The following AGTPBP1 variants were observed in gnomAD, a reference collection of about 807,000 sequenced individuals.
AGTPBP1 encodes ATP/GTP binding carboxypeptidase 1, also known as cytosolic carboxypeptidase 1.
A neutral mutation model predicts 143.9 loss-of-function variants in AGTPBP1; 70 were observed. The observed-to-expected ratio is 0.49, with a 90% confidence interval of 0.40 to 0.59. AGTPBP1 has a LOEUF of 0.59. Ranked by LOEUF, AGTPBP1 falls within the 20% of genes least tolerant of loss-of-function variation. The probability of loss-of-function intolerance (pLI) is 0.00; values close to 1 mark genes in which losing one functional copy is unlikely to be tolerated. For missense variants in AGTPBP1, 1,229 were observed against 1,464.5 expected (o/e 0.84, Z 2.62); for synonymous variants, 463 against 500.2 (o/e 0.93, Z 0.99).
At chr9:85,585,963 A>G (rs1828574939) in intron 22 of AGTPBP1, among the ~76,000 whole-genome samples, 1 of 152,366 alleles carries the variant, frequency 6.6e-6, no homozygotes, top group East Asian at 1.9e-4. Context: ...CTGTAATCCC[A>G]GCACTTTGGG....
intron 8 of AGTPBP1, among the ~76,000 whole-genome samples, chr9:85,661,691 G>C (rs1205665709): frequency 2.0e-5 from 3 of 152,072 alleles, no homozygotes; most frequent in African/African-American, 7.2e-5. Flanking sequence ...CCGTTAATCA[G>C]CTGTAAAAAT....
At chr9:85,749,184 A>C in the AGTPBP1 span, among the ~76,000 whole-genome samples, 1 of 151,578 alleles carries the variant, frequency 6.6e-6, no homozygotes, top group Non-Finnish European at 1.5e-5. Flanking sequence ...TTGTAGAGAT[A>C]GGGTCTTACT....
the AGTPBP1 span, among the ~76,000 whole-genome samples, chr9:85,795,617 T>C: frequency 6.6e-6 from 1 of 152,128 alleles, no homozygotes; most frequent in African/African-American, 2.4e-5. Flanking sequence ...TAAAGAGGAA[T>C]ATAATGACTC....
Position 85,681,369 on chromosome 9 carries a change from T to A in AGTPBP1, c.158-34A>T, listed in dbSNP as rs760956881. 5.7e-6 allele frequency: 9 copies of A among 1,583,898 alleles called. No individual in the cohort carries two copies. The South Asian group carries it at 1.0e-4, about 18-fold the overall frequency. ...TAGCAAACAATTTTTTTCTCAAACA[T>A]AAATTTTTAAAAGTATGTATAGTTT... On this transcript the variant is annotated intron_variant, in intron 3 of 25. Transcript: ENST00000357081.
chr9:85,720,123 T>C (rs1838005533), intron 1 of AGTPBP1, among the ~76,000 whole-genome samples: 1 of 152,208 alleles, frequency 6.6e-6, no homozygotes, highest in Non-Finnish European at 1.5e-5. Flanking sequence ...TAAAATTCTC[T>C]TTTATTGTTG....
At chr9:85,550,192 TGTGAGAGAGA>T (rs913674718) in intron 25 of AGTPBP1, among the ~76,000 whole-genome samples, 18 of 145,256 alleles carry the variant, frequency 1.2e-4, no homozygotes, top group Admixed American at 5.4e-4. Context: ...TGTGTGTGTG[TGTGAGAGAGA>T]GAGAGAGAGA....
chr9:85,778,365 G>T, the AGTPBP1 span, among the ~76,000 whole-genome samples: 23 of 152,328 alleles, frequency 1.5e-4, no homozygotes, highest in African/African-American at 5.1e-4. Context: ...TGCAGAAGAT[G>T]GCGGGGCCTT....
chr9:85,789,180 C>T, the AGTPBP1 span, among the ~76,000 whole-genome samples: 1 of 152,024 alleles, frequency 6.6e-6, no homozygotes, highest in East Asian at 1.9e-4. Context: ...ATATATATGA[C>T]AGATTTCATG....
intron 2 of AGTPBP1, among the ~76,000 whole-genome samples, chr9:85,703,290 G>A (rs1836788467): frequency 6.6e-6 from 1 of 152,192 alleles, no homozygotes; most frequent in Non-Finnish European, 1.5e-5. Flanking sequence ...GTTCAAACTG[G>A]AAGTTTAGAT....
the AGTPBP1 span, among the ~76,000 whole-genome samples, chr9:85,803,557 G>A: frequency 6.6e-6 from 1 of 152,180 alleles, no homozygotes; most frequent in Non-Finnish European, 1.5e-5. Context: ...TTCCAACTAA[G>A]GTCCTCATGT....
At chr9:85,773,028 G>T in the AGTPBP1 span, among the ~76,000 whole-genome samples, 4 of 152,010 alleles carry the variant, frequency 2.6e-5, no homozygotes, top group East Asian at 7.8e-4. Context: ...CACTTTGGGA[G>T]GCTGAGGTGG....
chr9:85,547,307 A>T, intron 25 of AGTPBP1, 21 bp from the exon 26 acceptor site: 1 of 1,580,194 alleles, frequency 6.3e-7, no homozygotes, highest in Non-Finnish European at 8.6e-7. Flanking sequence ...AACACACAGA[A>T]CATACAAGAC....
chr9:85,690,719 T>C (rs187990070), intron 3 of AGTPBP1, among the ~76,000 whole-genome samples: 2 of 145,618 alleles, frequency 1.4e-5, no homozygotes, highest in Admixed American at 1.3e-4. Context: ...GGGAAGAGGA[T>C]CATTCTCTGA....
chr9:85,761,238 A>C, the AGTPBP1 span, among the ~76,000 whole-genome samples: 3,361 of 152,320 alleles, frequency 0.022, 38 homozygotes, highest in South Asian at 0.034. Flanking sequence ...CCATCAAGCT[A>C]CCAATGACTT....
At position 85,598,845 on chromosome 9, in the gene AGTPBP1, G is replaced by A. The variant is rs1371165839; in HGVS notation, c.2336-2396C>T. Among the ~76,000 whole-genome samples the A allele has an allele frequency of 4.0e-5, 6 of 151,898 alleles. No homozygotes were observed. In the East Asian group the frequency reaches 7.7e-4, roughly 20 times the overall value. The stretch of plus-strand genomic sequence containing the variant: ...AGTGATTCTCCTGCCTCAGCCTCCC[G>A]AGTAGCTGGGGACTACAGGCGCATG... On this transcript the variant is annotated intron_variant, in intron 17 of 25. Transcript: ENST00000357081.
the AGTPBP1 span, among the ~76,000 whole-genome samples, chr9:85,767,895 G>C: frequency 6.6e-6 from 1 of 152,150 alleles, no homozygotes; most frequent in Non-Finnish European, 1.5e-5. Flanking sequence ...TCACTTGGAG[G>C]CTTGTTAGAA....
intron 7 of AGTPBP1, among the ~76,000 whole-genome samples, chr9:85,671,264 T>C (rs1413650212): frequency 1.3e-5 from 2 of 152,164 alleles, no homozygotes. Context: ...TTTAATCCAA[T>C]ACAGTTTTAT....
chr9:85,717,622 T>C (rs1412114046), intron 1 of AGTPBP1, among the ~76,000 whole-genome samples: 1 of 152,058 alleles, frequency 6.6e-6, no homozygotes, highest in Non-Finnish European at 1.5e-5. Flanking sequence ...AGTTAGGGCC[T>C]TTTGGAGATA....
intron 20 of AGTPBP1, among the ~76,000 whole-genome samples, chr9:85,588,794 A>G (rs556038077): frequency 1.3e-5 from 2 of 152,010 alleles, no homozygotes; most frequent in East Asian, 3.9e-4. Flanking sequence ...TATAAAGAAC[A>G]AGCACTTGGG....
Sources: allele counts gnomAD v4.1 joint callset (sites outside exome capture counted in the v4.1 genomes callset), GRCh38; gene constraint gnomAD v4.1.1; transcripts MANE v1.5; gene names NCBI Gene and HGNC (gene_info 2026-07-23, HGNC 2026-07-21).